The following PLXDC2 variants were observed in gnomAD, a reference collection of about 807,000 sequenced individuals.
PLXDC2 encodes the protein plexin domain containing 2.
Under a neutral mutation model 68.9 loss-of-function variants are expected in PLXDC2, and 40 were observed. The observed-to-expected ratio is 0.58, with a 90% CI of 0.45 to 0.76. The LOEUF is 0.76. Ranked by LOEUF, PLXDC2 falls within the 30% of genes least tolerant of loss-of-function variation. The pLI, the probability that PLXDC2 is intolerant of heterozygous loss-of-function variation, is 0.00. For synonymous variants in PLXDC2, 243 were observed against 234.2 expected (o/e 1.04, Z -0.34); for missense variants, 644 against 661.9 (o/e 0.97, Z 0.30).
chr10:19,828,599 A>G (rs562006185), intron 1 of PLXDC2, among the ~76,000 whole-genome samples: 1 of 152,144 alleles, frequency 6.6e-6, no homozygotes, highest in Non-Finnish European at 1.5e-5. Flanking sequence ...TTCATTTCAG[A>G]TATTTTTAAA....
chr10:19,997,816 T>A (rs1834866985), intron 1 of PLXDC2, among the ~76,000 whole-genome samples: 1 of 152,216 alleles, frequency 6.6e-6, no homozygotes, highest in Non-Finnish European at 1.5e-5. Flanking sequence ...TTCCTACTCA[T>A]GTTTATTGGA....
chr10:19,844,317 G>T (rs1038515451), intron 1 of PLXDC2, among the ~76,000 whole-genome samples: 2 of 152,134 alleles, frequency 1.3e-5, no homozygotes, highest in South Asian at 4.1e-4. Flanking sequence ...ATCCCAGCGG[G>T]TACAGAGTTT....
intron 1 of PLXDC2, among the ~76,000 whole-genome samples, chr10:19,823,072 C>A (rs749247138): frequency 6.6e-6 from 1 of 151,992 alleles, no homozygotes; most frequent in Non-Finnish European, 1.5e-5. Context: ...CCCGCCACCA[C>A]GCCCAGCTAA....
At chr10:20,052,788 A>G (rs1835927939) in intron 3 of PLXDC2, among the ~76,000 whole-genome samples, 2 of 151,724 alleles carry the variant, frequency 1.3e-5, no homozygotes, top group South Asian at 4.2e-4. Context: ...GGATAGTCCC[A>G]GGGCCAGAGG....
At chr10:20,045,771 C>A (rs928371731) in intron 2 of PLXDC2, among the ~76,000 whole-genome samples, 3 of 151,996 alleles carry the variant, frequency 2.0e-5, no homozygotes, top group Non-Finnish European at 4.4e-5. Context: ...AAATCATAGA[C>A]CTATTTATTC....
intron 1 of PLXDC2, among the ~76,000 whole-genome samples, chr10:19,933,115 C>T (rs1833667529): frequency 6.6e-6 from 1 of 152,188 alleles, no homozygotes; most frequent in Admixed American, 6.5e-5. Flanking sequence ...CTGGGTAACT[C>T]ACTTGGTACT....
At chr10:19,857,698 G>A (rs760269512) in intron 1 of PLXDC2, among the ~76,000 whole-genome samples, 3 of 152,128 alleles carry the variant, frequency 2.0e-5, no homozygotes, top group African/African-American at 7.2e-5. Flanking sequence ...AACTAACAAA[G>A]ACATTAGAGA....
At chr10:20,253,368 A>G (rs1835703641) in intron 13 of PLXDC2, among the ~76,000 whole-genome samples, 1 of 110,814 alleles carries the variant, frequency 9.0e-6, no homozygotes. Context: ...CTGTCTCAAA[A>G]TGATAATAAT....
At chr10:20,248,267 GTCT>G (rs1835626845) in intron 13 of PLXDC2, among the ~76,000 whole-genome samples, 6 of 152,154 alleles carry the variant, frequency 3.9e-5, no homozygotes, top group Admixed American at 3.9e-4. Flanking sequence ...TTGAGTATTA[GTCT>G]CATTGTCTTA....
intron 11 of PLXDC2, 89 bp downstream of exon 11, chr10:20,217,665 A>C: frequency 7.3e-7 from 1 of 1,365,886 alleles, no homozygotes; most frequent in Non-Finnish European, 9.5e-7. Context: ...CATGTACTGG[A>C]ATAGCTCCTA....
chr10:20,185,160 G>GAAAAAA lies in PLXDC2; in HGVS notation c.1061+7773_1061+7778dup, dbSNP rs11307851. On this transcript the variant is annotated intron_variant, in intron 9 of 13. Coordinates refer to ENST00000377252, the MANE Select transcript of PLXDC2 (RefSeq NM_032812.9). ...TGCACATACATCCCAGAACTGAAAG[G>GAAAAAA]AAAAAAAAAAAAAAAAAAAAAAAAA... Among the ~76,000 whole-genome samples, 5 of 55,992 alleles carry GAAAAAA rather than the reference G, an allele frequency of 8.9e-5. 1 individual carries two copies. Among genetic ancestry groups the GAAAAAA allele is most frequent in the Non-Finnish European group, 1.6e-4 (5 of 31,266 alleles). The allele number at this position is 55,992 out of a possible 152,430, so 36.7% of individuals were successfully genotyped here. A position where few individuals can be genotyped will look rare whatever the true frequency, so the allele number is the denominator to read the frequency against.
At chr10:20,179,721 A>G (rs561922257) in intron 9 of PLXDC2, among the ~76,000 whole-genome samples, 1 of 152,242 alleles carries the variant, frequency 6.6e-6, no homozygotes, top group African/African-American at 2.4e-5. Context: ...TGCAAGTTGG[A>G]ATCTGCTTCT....
chr10:20,215,554 A>C (rs192792535), intron 10 of PLXDC2, among the ~76,000 whole-genome samples: 1 of 152,082 alleles, frequency 6.6e-6, no homozygotes, highest in Non-Finnish European at 1.5e-5. Flanking sequence ...TGTACCTTTA[A>C]GTGTTGTTGA....
At chr10:20,242,741 C>T (rs1449023059) in intron 12 of PLXDC2, among the ~76,000 whole-genome samples, 3 of 152,084 alleles carry the variant, frequency 2.0e-5, no homozygotes, top group African/African-American at 2.4e-5. Flanking sequence ...GGTGGAGTCT[C>T]GCTCTGTCGC....
intron 1 of PLXDC2, among the ~76,000 whole-genome samples, chr10:19,972,358 C>T (rs1191463293): frequency 6.6e-6 from 1 of 152,100 alleles, no homozygotes; most frequent in East Asian, 1.9e-4. Flanking sequence ...AAACCAAATA[C>T]CCCACGTTAT....
chr10:20,252,973 T>C (rs1218411602), intron 13 of PLXDC2, among the ~76,000 whole-genome samples: 1 of 113,962 alleles, frequency 8.8e-6, no homozygotes, highest in Non-Finnish European at 2.2e-5. Flanking sequence ...TCATTATCCT[T>C]ATTTTATCAT....
chr10:20,173,619 A>G (rs1007955858), intron 7 of PLXDC2, among the ~76,000 whole-genome samples: 16 of 152,204 alleles, frequency 1.1e-4, no homozygotes, highest in African/African-American at 3.9e-4. Flanking sequence ...TAATCCGCTC[A>G]GATTTAATTT....
intron 3 of PLXDC2, among the ~76,000 whole-genome samples, chr10:20,066,141 G>A (rs1466982111): frequency 2.0e-5 from 3 of 152,190 alleles, no homozygotes; most frequent in African/African-American, 7.2e-5. Context: ...AGACGATAGT[G>A]GTAACTAAGG....
intron 1 of PLXDC2, among the ~76,000 whole-genome samples, chr10:19,995,178 C>T (rs1834822882): frequency 6.6e-6 from 1 of 152,134 alleles, no homozygotes; most frequent in South Asian, 2.1e-4. Flanking sequence ...CCCAAGACTA[C>T]CCCAGCTTTG....
Sources: gnomAD v4.1 joint callset for allele counts (sites outside exome capture counted in the v4.1 genomes callset) on GRCh38, gnomAD v4.1.1 for gene constraint, MANE v1.5 for transcripts, NCBI Gene and HGNC (gene_info 2026-07-23, HGNC 2026-07-21) for gene names.